The following ATRNL1 variants were observed in gnomAD, a reference collection of about 807,000 sequenced individuals.
The protein encoded by ATRNL1 is attractin-like protein 1.
In ATRNL1, 95 loss-of-function variants were observed where a neutral mutation model predicts 182.7. The ratio of observed to expected loss-of-function variants is 0.52; its 90% confidence interval spans 0.44 to 0.62. The LOEUF is 0.62. Among genes scored for constraint, ATRNL1 ranks in the 20% least tolerant of loss-of-function variants. The pLI is 0.00. For missense variants in ATRNL1, 1,471 were observed against 1,679.5 expected (o/e 0.88, Z 2.17); for synonymous variants, 576 against 568.3 (o/e 1.01, Z -0.19).
chr10:115,556,787 G>A (rs1441725725), intron 26 of ATRNL1, among the ~76,000 whole-genome samples: 1 of 150,426 alleles, frequency 6.6e-6, no homozygotes, highest in Middle Eastern at 3.4e-3. Context: ...TGTATATCTT[G>A]GACTCCTCCT....
intron 27 of ATRNL1, among the ~76,000 whole-genome samples, chr10:115,844,667 A>C (rs532070932): frequency 6.6e-6 from 1 of 152,142 alleles, no homozygotes; most frequent in South Asian, 2.1e-4. Context: ...GGCCTAATAC[A>C]CAGGGACTGC....
At chr10:115,547,754 T>C (rs1852751668) in intron 25 of ATRNL1, among the ~76,000 whole-genome samples, 1 of 152,214 alleles carries the variant, frequency 6.6e-6, no homozygotes, top group Admixed American at 6.5e-5. Flanking sequence ...TGATTGGTAT[T>C]GTCAATTGAG....
At chr10:115,531,774 A>T (rs1851600656) in intron 25 of ATRNL1, among the ~76,000 whole-genome samples, 1 of 149,604 alleles carries the variant, frequency 6.7e-6, no homozygotes, top group African/African-American at 2.4e-5. Context: ...CTAACGTTTA[A>T]GTCTTTAATC....
intron 18 of ATRNL1, among the ~76,000 whole-genome samples, chr10:115,326,153 T>A (rs1225079302): frequency 6.6e-6 from 1 of 152,174 alleles, no homozygotes; most frequent in Non-Finnish European, 1.5e-5. Context: ...TGTCCCTGTT[T>A]GCAGATGACA....
rs1374408188 is a variant in ATRNL1 at position 115,374,485 on chromosome 10, CTTCT to C, written c.3176-20170_3176-20167del. On this transcript the variant is annotated intron_variant, in intron 19 of 28. Coordinates refer to ENST00000355044, the MANE Select transcript of ATRNL1 (RefSeq NM_207303.4). ...CCTTCCTTCCTTCCTTCCTTCCTTC[CTTCT>C]TTCCTTCCTTTCTTCCTCCTTCTTC... Among the ~76,000 whole-genome samples the C allele has an allele frequency of 8.1e-5, 11 of 136,432 alleles. 1 individual carries two copies. The highest frequency in any genetic ancestry group is 6.4e-4 in the East Asian group (3 of 4,720). The allele number at this position is 136,432 out of a possible 152,430, so 89.5% of individuals were successfully genotyped here. A position where few individuals can be genotyped will look rare whatever the true frequency, so the allele number is the denominator to read the frequency against.
At chr10:115,439,348 A>G (rs1038382505) in intron 21 of ATRNL1, among the ~76,000 whole-genome samples, 3 of 151,954 alleles carry the variant, frequency 2.0e-5, no homozygotes, top group South Asian at 2.1e-4. Flanking sequence ...AGTATACATC[A>G]TGTGAAAAAC....
chr10:115,661,959 C>T (rs932612654), intron 26 of ATRNL1, among the ~76,000 whole-genome samples: 4 of 134,138 alleles, frequency 3.0e-5, no homozygotes, highest in Admixed American at 7.8e-5. Flanking sequence ...CCCCAGTGTG[C>T]GATGTTCCCC....
intron 18 of ATRNL1, among the ~76,000 whole-genome samples, chr10:115,329,036 A>T (rs1554934258): frequency 6.6e-6 from 1 of 151,642 alleles, no homozygotes; most frequent in South Asian, 2.1e-4. Flanking sequence ...TTTTTGAGAA[A>T]CCTCCAACTG....
intron 27 of ATRNL1, among the ~76,000 whole-genome samples, chr10:115,772,160 G>A (rs1236339616): frequency 6.6e-6 from 1 of 152,190 alleles, no homozygotes. Flanking sequence ...TGAATTCCAA[G>A]GTGAAAAAGA....
chr10:115,579,629 T>A (rs576456466), intron 26 of ATRNL1, among the ~76,000 whole-genome samples: 2 of 152,098 alleles, frequency 1.3e-5, no homozygotes, highest in South Asian at 4.1e-4. Flanking sequence ...AAAGTGAGTA[T>A]CTTATAGATG....
chr10:115,743,508 G>A (rs145776530), intron 27 of ATRNL1, among the ~76,000 whole-genome samples: 1 of 152,100 alleles, frequency 6.6e-6, no homozygotes, highest in Non-Finnish European at 1.5e-5. Context: ...TTATCTTAAG[G>A]TGATAAAAAG....
chr10:115,444,894 C>T (rs1474112588), intron 21 of ATRNL1, among the ~76,000 whole-genome samples: 1 of 150,926 alleles, frequency 6.6e-6, no homozygotes, highest in African/African-American at 2.4e-5. Flanking sequence ...ACCACGCCAG[C>T]CTATTTTTGT....
chr10:115,632,807 C>T lies in ATRNL1; in HGVS notation c.3795+83271C>T, dbSNP rs548297861. ...GCCACAATACATGAATAATGTTATACTAACTTTAAAAAATGAGTCAATATT... is the reference window on the plus strand; with the variant it reads ...GCCACAATACATGAATAATGTTATATTAACTTTAAAAAATGAGTCAATATT... On this transcript the variant is annotated intron_variant, in intron 26 of 28. Transcript: ENST00000355044. Among the ~76,000 whole-genome samples the T allele has an allele frequency of 2.0e-3, 309 of 151,874 alleles. 1 individual carries two copies. The highest frequency in any genetic ancestry group is 6.8e-3 in the Middle Eastern group (2 of 294).
chr10:115,559,443 T>TGTGTGCGCGCGC (rs200694810), intron 26 of ATRNL1, among the ~76,000 whole-genome samples: 126 of 77,854 alleles, frequency 1.6e-3, no homozygotes, highest in South Asian at 4.1e-3. Flanking sequence ...TGTGTGTGTG[T>TGTGTGCGCGCGC]GCGCGCGCGC....
At chr10:115,725,494 A>G (rs1947567033) in intron 26 of ATRNL1, among the ~76,000 whole-genome samples, 1 of 152,188 alleles carries the variant, frequency 6.6e-6, no homozygotes, top group South Asian at 2.1e-4. Context: ...CATTTTGTCT[A>G]GCAATCACTT....
chr10:115,670,771 G>A (rs2133927290), intron 26 of ATRNL1, among the ~76,000 whole-genome samples: 1 of 152,188 alleles, frequency 6.6e-6, no homozygotes, highest in Middle Eastern at 3.4e-3. Context: ...GTTTCAGTGA[G>A]GTATGGAACA....
intron 5 of ATRNL1, among the ~76,000 whole-genome samples, chr10:115,143,705 A>C (rs1263030776): frequency 6.6e-6 from 1 of 152,076 alleles, no homozygotes; most frequent in African/African-American, 2.4e-5. Context: ...AGGAGGAGAG[A>C]GCGAGAGCAA....
At chr10:115,590,688 G>A (rs2133915954) in intron 26 of ATRNL1, among the ~76,000 whole-genome samples, 2 of 152,164 alleles carry the variant, frequency 1.3e-5, no homozygotes, top group Admixed American at 1.3e-4. Context: ...AATCTTAATA[G>A]CCTTGAAGTA....
chr10:115,524,595 G>T (rs1554986088), intron 25 of ATRNL1, among the ~76,000 whole-genome samples: 1 of 152,132 alleles, frequency 6.6e-6, no homozygotes, highest in East Asian at 1.9e-4. Context: ...TTATTAACTT[G>T]TCCAGTTGGG....
Sources: allele counts gnomAD v4.1 joint callset (sites outside exome capture counted in the v4.1 genomes callset), GRCh38; gene constraint gnomAD v4.1.1; transcripts MANE v1.5; gene names NCBI Gene and HGNC (gene_info 2026-07-23, HGNC 2026-07-21).